Variants in INPP4B observed in about 807,000 individuals in gnomAD.
The protein encoded by INPP4B is inositol polyphosphate-4-phosphatase type II B, also known as inositol polyphosphate 4-phosphatase type II.
Under a neutral mutation model 122.5 loss-of-function variants are expected in INPP4B, and 55 were observed. That is an observed-to-expected ratio of 0.45 (90% CI 0.36 to 0.56). The LOEUF is 0.56. INPP4B is among the 20% of genes least tolerant of loss of function. The probability of loss-of-function intolerance (pLI) is 0.00; values close to 1 mark genes in which losing one functional copy is unlikely to be tolerated. For synonymous variants in INPP4B, 403 were observed against 388.7 expected (o/e 1.04, Z -0.43); for missense variants, 1,000 against 1,097.7 (o/e 0.91, Z 1.26).
chr4:142,143,951 G>A (rs1213177656), intron 18 of INPP4B, among the ~76,000 whole-genome samples: 2 of 151,942 alleles, frequency 1.3e-5, no homozygotes, highest in African/African-American at 4.8e-5. Flanking sequence ...GAAAGAATTG[G>A]TGATGAGTGA....
At chr4:142,268,166 A>G (rs942382644) in intron 10 of INPP4B, among the ~76,000 whole-genome samples, 3 of 150,888 alleles carry the variant, frequency 2.0e-5, no homozygotes, top group African/African-American at 7.3e-5. Flanking sequence ...TACTAAAGAT[A>G]CAAAAAATTA....
intron 7 of INPP4B, among the ~76,000 whole-genome samples, chr4:142,374,632 G>T (rs1402495213): frequency 1.3e-5 from 2 of 151,696 alleles, no homozygotes; most frequent in South Asian, 2.1e-4. Context: ...TCTTTTTATT[G>T]ATATTGTTAT....
chr4:142,368,175 T>C (rs1031601231), intron 7 of INPP4B, among the ~76,000 whole-genome samples: 2 of 152,184 alleles, frequency 1.3e-5, no homozygotes, highest in African/African-American at 4.8e-5. Flanking sequence ...AAATAGCAGA[T>C]TCTTTTCTTA....
chr4:142,757,578 T>G (rs1770683952), intron 1 of INPP4B, among the ~76,000 whole-genome samples: 1 of 152,180 alleles, frequency 6.6e-6, no homozygotes, highest in Admixed American at 6.5e-5. Flanking sequence ...GTAATATTTA[T>G]TTAAGCTTCC....
intron 3 of INPP4B, among the ~76,000 whole-genome samples, chr4:142,462,232 A>T (rs1367014851): frequency 6.6e-6 from 1 of 152,118 alleles, no homozygotes; most frequent in Non-Finnish European, 1.5e-5. Context: ...ATCCCATAGA[A>T]TTCTGTTATT....
intron 3 of INPP4B, among the ~76,000 whole-genome samples, chr4:142,462,390 TTAA>T (rs1303259012): frequency 1.3e-5 from 2 of 152,180 alleles, no homozygotes; most frequent in African/African-American, 4.8e-5. Flanking sequence ...ATGCATTAAT[TTAA>T]TAATAAGTAA....
At chr4:142,610,945 T>C (rs1742363902) in intron 2 of INPP4B, among the ~76,000 whole-genome samples, 1 of 152,210 alleles carries the variant, frequency 6.6e-6, no homozygotes, top group South Asian at 2.1e-4. Flanking sequence ...CCACAAAATA[T>C]GTATTAGTCC....
chr4:142,484,941 A>T (rs558964799), intron 2 of INPP4B, among the ~76,000 whole-genome samples: 10 of 152,260 alleles, frequency 6.6e-5, no homozygotes, highest in African/African-American at 2.4e-4. Flanking sequence ...TATTTTTAAA[A>T]TATCTGTATA....
At position 142,249,025 on chromosome 4, in the gene INPP4B, T is replaced by A. The variant is rs147552925; in HGVS notation, c.689-11014A>T. On this transcript the variant is annotated intron_variant, in intron 11 of 25. Coordinates refer to ENST00000262992, the MANE Select transcript of INPP4B (RefSeq NM_001101669.3). ...TCTTCTTCAAAACAACAATAGTAGG[T>A]GGTTTAACCCTATTTGGTGAAAAAG... is the stretch of plus-strand genomic sequence containing the variant. Among the ~76,000 whole-genome samples, 3 of 152,062 alleles carry A rather than the reference T, an allele frequency of 2.0e-5. No individual in the cohort carries two copies. The East Asian group carries it at 5.8e-4, about 30-fold the overall frequency.
chr4:142,530,578 T>TAC (rs1409670716), intron 2 of INPP4B, among the ~76,000 whole-genome samples: 5 of 109,622 alleles, frequency 4.6e-5, no homozygotes, highest in East Asian at 3.0e-4. Context: ...TATATATATA[T>TAC]ACACACACAC....
chr4:142,206,839 T>A (rs1842786826), intron 14 of INPP4B, among the ~76,000 whole-genome samples: 1 of 152,064 alleles, frequency 6.6e-6, no homozygotes. Context: ...CCTCAGCAAT[T>A]TTTTAAGTAC....
At chr4:142,661,360 G>A (rs1755141049) in intron 2 of INPP4B, among the ~76,000 whole-genome samples, 1 of 152,258 alleles carries the variant, frequency 6.6e-6, no homozygotes, top group South Asian at 2.1e-4. Flanking sequence ...TATAACCACC[G>A]ATTGTTTGTA....
intron 7 of INPP4B, among the ~76,000 whole-genome samples, chr4:142,400,722 G>A (rs934068230): frequency 2.6e-5 from 4 of 152,092 alleles, no homozygotes; most frequent in Non-Finnish European, 5.9e-5. Flanking sequence ...CACAGTAGGG[G>A]TTCCAGTTCA....
At chr4:142,299,755 A>C (rs1341774869) in intron 9 of INPP4B, among the ~76,000 whole-genome samples, 2 of 151,996 alleles carry the variant, frequency 1.3e-5, no homozygotes, top group African/African-American at 4.8e-5. Context: ...GAAAACTCTT[A>C]CTGTTGTGGA....
intron 14 of INPP4B, among the ~76,000 whole-genome samples, chr4:142,195,204 C>T (rs1319410267): frequency 6.6e-6 from 1 of 152,174 alleles, no homozygotes; most frequent in Non-Finnish European, 1.5e-5. Flanking sequence ...CCAGGACAAA[C>T]ACTCCACTTG....
chr4:142,784,849 T>C (rs1386643868), intron 1 of INPP4B, among the ~76,000 whole-genome samples: 1 of 152,104 alleles, frequency 6.6e-6, no homozygotes, highest in Non-Finnish European at 1.5e-5. Flanking sequence ...TTATCTGACC[T>C]AAGAGCAGGG....
intron 23 of INPP4B, among the ~76,000 whole-genome samples, chr4:142,092,487 C>T (rs1369971813): frequency 6.6e-6 from 1 of 152,016 alleles, no homozygotes; most frequent in Non-Finnish European, 1.5e-5. Flanking sequence ...ATGCGGGTTT[C>T]GCCATGTTGG....
chr4:142,524,717 A>T (rs562951432), intron 2 of INPP4B, among the ~76,000 whole-genome samples: 35 of 152,318 alleles, frequency 2.3e-4, no homozygotes, highest in African/African-American at 8.4e-4. Flanking sequence ...TCAATAAATT[A>T]GGTATTGACG....
intron 2 of INPP4B, among the ~76,000 whole-genome samples, chr4:142,651,656 C>G (rs1194891478): frequency 6.6e-6 from 1 of 152,108 alleles, no homozygotes; most frequent in Non-Finnish European, 1.5e-5. Flanking sequence ...ATACACCCTC[C>G]CAAGACTAAA....
Sources: allele counts gnomAD v4.1 joint callset (sites outside exome capture counted in the v4.1 genomes callset), GRCh38; gene constraint gnomAD v4.1.1; transcripts MANE v1.5; gene names NCBI Gene and HGNC (gene_info 2026-07-23, HGNC 2026-07-21).